Variants in OSBPL1A observed in about 807,000 individuals in gnomAD.
OSBPL1A encodes oxysterol binding protein like 1A, also known as oxysterol-binding protein-related protein 1.
Under a neutral mutation model 137.1 loss-of-function variants are expected in OSBPL1A, and 80 were observed. The ratio of observed to expected loss-of-function variants is 0.58; its 90% CI spans 0.49 to 0.70. The LOEUF is 0.70. OSBPL1A is among the 30% of genes least tolerant of loss of function. The pLI, the probability that OSBPL1A is intolerant of heterozygous loss-of-function variation, is 0.00. For synonymous variants in OSBPL1A, 365 were observed against 389.7 expected (o/e 0.94, Z 0.75); for missense variants, 970 against 1,129.4 (o/e 0.86, Z 2.02).
At chr18:24,237,950 T>G (rs2088551346) in intron 16 of OSBPL1A, among the ~76,000 whole-genome samples, 1 of 152,224 alleles carries the variant, frequency 6.6e-6, no homozygotes, top group Non-Finnish European at 1.5e-5. Context: ...ATAATCTTCT[T>G]TGTCCAATTG....
intron 4 of OSBPL1A, among the ~76,000 whole-genome samples, chr18:24,361,996 CAAAAAAAAAAAA>C (rs200189504): frequency 1.9e-5 from 1 of 52,182 alleles, no homozygotes; most frequent in Non-Finnish European, 4.0e-5. Context: ...GACTCCATCT[CAAAAAAAAAAAA>C]AAAAAAAAAA....
chr18:24,301,135 A>G (rs963160969), intron 14 of OSBPL1A, among the ~76,000 whole-genome samples: 1 of 152,226 alleles, frequency 6.6e-6, no homozygotes, highest in Non-Finnish European at 1.5e-5. Flanking sequence ...ACTTATGTAA[A>G]ATGCAGTTTA....
At chr18:24,164,590 A>G (rs1002380090) in intron 27 of OSBPL1A, among the ~76,000 whole-genome samples, 1 of 151,936 alleles carries the variant, frequency 6.6e-6, no homozygotes, top group African/African-American at 2.4e-5. Context: ...CACCACGCCC[A>G]GCTAATTTTT....
chr18:24,368,348 C>A lies in OSBPL1A; in HGVS notation c.146G>T (p.Trp49Leu). 1 of 1,613,394 alleles carries A rather than the reference C, an allele frequency of 6.2e-7. No individual in the cohort carries two copies. The highest frequency in any genetic ancestry group is 8.5e-7 in the Non-Finnish European group (1 of 1,179,450). Reference protein sequence around the residue: ...CKGRSKSNLGWTPLHLACYFG... With the variant: ...CKGRSKSNLGLTPLHLACYFG... ...ATAGCATGCCAGATGTAGAGGTGTCCAGCCCAAGTTAGACTTACTTCTTCC... is the reference window on the plus strand; with the variant it reads ...ATAGCATGCCAGATGTAGAGGTGTCAAGCCCAAGTTAGACTTACTTCTTCC... Residue 49 changes from tryptophan (W) to leucine (L), a missense_variant, in exon 3 of 28, where the codon TGG becomes TTG. Transcript: ENST00000319481.
intron 15 of OSBPL1A, among the ~76,000 whole-genome samples, chr18:24,270,342 C>T (rs925346081): frequency 3.3e-5 from 5 of 152,154 alleles, no homozygotes; most frequent in African/African-American, 1.2e-4. Flanking sequence ...ATCAGTAAGA[C>T]CTTTGCTTTA....
At chr18:24,372,524 G>A (rs567508849) in intron 2 of OSBPL1A, among the ~76,000 whole-genome samples, 1 of 152,236 alleles carries the variant, frequency 6.6e-6, no homozygotes, top group South Asian at 2.1e-4. Flanking sequence ...TTCACAATGG[G>A]TGGCCCCTCA....
At chr18:24,251,634 A>G (rs747340537) in intron 15 of OSBPL1A, among the ~76,000 whole-genome samples, 4 of 152,186 alleles carry the variant, frequency 2.6e-5, no homozygotes, top group Non-Finnish European at 5.9e-5. Context: ...TGAAAACTAC[A>G]ATAAATACCT....
chr18:24,170,619 T>C (rs775799279), intron 23 of OSBPL1A, 166 bp from the exon 24 acceptor site: 25 of 660,424 alleles, frequency 3.8e-5, no homozygotes, highest in South Asian at 7.0e-5. Flanking sequence ...GGCATCGCCA[T>C]AGACTGTTTT....
chr18:24,214,099 C>G (rs115566333), intron 17 of OSBPL1A, among the ~76,000 whole-genome samples: 1 of 152,188 alleles, frequency 6.6e-6, no homozygotes, highest in African/African-American at 2.4e-5. Context: ...GAAGGCAGAC[C>G]TTAACCTAGG....
intron 17 of OSBPL1A, 59 bp from the exon 18 acceptor site, chr18:24,196,259 A>G: frequency 8.4e-7 from 1 of 1,187,864 alleles, no homozygotes; most frequent in South Asian, 1.3e-5. Context: ...GCAGGAGGGA[A>G]GAACTGCTTT....
intron 17 of OSBPL1A, among the ~76,000 whole-genome samples, chr18:24,197,786 C>CTTT (rs1043369707): frequency 4.1e-5 from 5 of 122,808 alleles, no homozygotes; most frequent in Non-Finnish European, 6.8e-5. Flanking sequence ...CTTTTCTTTT[C>CTTT]TTTTTTTTTT....
At chr18:24,316,375 G>T (rs2090735243) in intron 11 of OSBPL1A, among the ~76,000 whole-genome samples, 1 of 152,054 alleles carries the variant, frequency 6.6e-6, no homozygotes. Flanking sequence ...GGCAAAAATT[G>T]CCAGAATGGG....
At chr18:24,306,982 C>T (rs2146106315) in intron 13 of OSBPL1A, among the ~76,000 whole-genome samples, 1 of 151,866 alleles carries the variant, frequency 6.6e-6, no homozygotes, top group East Asian at 1.9e-4. Context: ...TCTGGCCAGG[C>T]TCGGTGGCTC....
intron 18 of OSBPL1A, among the ~76,000 whole-genome samples, chr18:24,194,830 C>A (rs148771134): frequency 1.3e-5 from 2 of 152,136 alleles, no homozygotes; most frequent in Admixed American, 6.5e-5. Context: ...AGCCAGGAAG[C>A]GGGAGAGCGG....
At chr18:24,270,285 T>C (rs1217645432) in intron 15 of OSBPL1A, among the ~76,000 whole-genome samples, 1 of 152,230 alleles carries the variant, frequency 6.6e-6, no homozygotes, top group African/African-American at 2.4e-5. Context: ...TTCTCAGTTA[T>C]GCACAATATT....
At chr18:24,176,951 C>T (rs940245377) in intron 21 of OSBPL1A, among the ~76,000 whole-genome samples, 1 of 152,232 alleles carries the variant, frequency 6.6e-6, no homozygotes, top group African/African-American at 2.4e-5. Flanking sequence ...GGCGCTTTCT[C>T]TCCCCTCCGG....
chr18:24,373,413 C>T (rs982221007), intron 2 of OSBPL1A, among the ~76,000 whole-genome samples: 2 of 152,148 alleles, frequency 1.3e-5, no homozygotes, highest in African/African-American at 4.8e-5. Context: ...ATAGAATTTA[C>T]AAAAAGTATG....
intron 14 of OSBPL1A, among the ~76,000 whole-genome samples, chr18:24,299,995 G>A (rs978147082): frequency 6.6e-6 from 1 of 152,196 alleles, no homozygotes; most frequent in Non-Finnish European, 1.5e-5. Context: ...ATTTAAGGAT[G>A]TATGGAAGAA....
At chr18:24,286,769 T>C (rs1317972158) in intron 14 of OSBPL1A, among the ~76,000 whole-genome samples, 1 of 152,152 alleles carries the variant, frequency 6.6e-6, no homozygotes, top group Non-Finnish European at 1.5e-5. Context: ...GTTTCAGAAT[T>C]ATGATCAATG....
Sources: allele counts gnomAD v4.1 joint callset (sites outside exome capture counted in the v4.1 genomes callset), GRCh38; gene constraint gnomAD v4.1.1; transcripts MANE v1.5; gene names NCBI Gene and HGNC (gene_info 2026-07-23, HGNC 2026-07-21).